The following ERBB4 variants were observed in gnomAD, a reference collection of about 807,000 sequenced individuals.
ERBB4 encodes the protein erb-b2 receptor tyrosine kinase 4, also known as receptor tyrosine-protein kinase erbB-4.
ERBB4 carries 42 observed loss-of-function variants against 158.0 expected under a neutral mutation model. The observed-to-expected ratio is 0.27, with a 90% CI of 0.21 to 0.34. The LOEUF is 0.34. Among genes scored for constraint, ERBB4 ranks in the 10% least tolerant of loss-of-function variants. ERBB4 has a pLI of 1.00. For missense variants in ERBB4, 1,333 were observed against 1,624.1 expected, an observed-to-expected ratio of 0.82 and a Z score of 3.08; for synonymous variants, 583 against 558.7, an observed-to-expected ratio of 1.04 and a Z score of -0.61.
rs374494378 is a variant in ERBB4 at position 211,889,028 on chromosome 2, G to A, written c.421+58402C>T. Among the ~76,000 whole-genome samples the A allele has an allele frequency of 4.9e-5, 7 of 144,112 alleles. 1 individual carries two copies. Among genetic ancestry groups the A allele is most frequent in the Admixed American group, 4.0e-4 (6 of 14,902 alleles). The allele number at this position is 144,112 out of a possible 152,430, so 94.5% of individuals were successfully genotyped here. ...GGTAAACAAAGCAGCCAGGAAGCTC[G>A]AACTGGGTAGAGCCCACCACAGCTC... On this transcript the variant is annotated intron_variant, in intron 3 of 27. Coordinates refer to ENST00000342788, the MANE Select transcript of ERBB4 (RefSeq NM_005235.3).
rs144168097 is a variant in ERBB4, at chr2:212,227,476, C to T, written c.83-102573G>A. ...TTCCTGAACAAAGCTTTGCTAAATACATGTCCACCTCAGTATTTCTTTCAG... is the reference window on the plus strand; with the variant it reads ...TTCCTGAACAAAGCTTTGCTAAATATATGTCCACCTCAGTATTTCTTTCAG... On this transcript the variant is annotated intron_variant, in intron 1 of 27. Transcript: ENST00000342788. Among the ~76,000 whole-genome samples, 9 of 152,188 alleles carry T rather than the reference C, an allele frequency of 5.9e-5. 1 individual carries two copies. In the South Asian group the frequency reaches 1.0e-3, roughly 18 times the overall value.
chr2:212,398,659 CT>C (rs1335806142), intron 1 of ERBB4, among the ~76,000 whole-genome samples: 28 of 152,100 alleles, frequency 1.8e-4, no homozygotes, highest in African/African-American at 6.5e-4. Flanking sequence ...GTTTTTGTTA[CT>C]AAAACAATTG....
intron 1 of ERBB4, among the ~76,000 whole-genome samples, chr2:212,188,739 T>C (rs2082102841): frequency 6.6e-6 from 1 of 151,924 alleles, no homozygotes; most frequent in South Asian, 2.1e-4. Context: ...TAAATACTAT[T>C]TATTATTTTA....
intron 25 of ERBB4, among the ~76,000 whole-genome samples, chr2:211,405,940 A>G (rs1448425387): frequency 6.6e-6 from 1 of 151,880 alleles, no homozygotes; most frequent in Non-Finnish European, 1.5e-5. Flanking sequence ...TCTCCTTCCC[A>G]CTCTGCAACA....
intron 1 of ERBB4, among the ~76,000 whole-genome samples, chr2:212,416,224 C>G (rs2091649261): frequency 6.6e-6 from 1 of 152,156 alleles, no homozygotes; most frequent in Non-Finnish European, 1.5e-5. Flanking sequence ...ACCTATTTAT[C>G]TGCCATATCC....
chr2:212,305,903 A>G (rs996913049), intron 1 of ERBB4, among the ~76,000 whole-genome samples: 1 of 151,422 alleles, frequency 6.6e-6, no homozygotes, highest in East Asian at 2.0e-4. Flanking sequence ...CTGAGAAAAT[A>G]TGATTGTAAA....
chr2:212,063,937 T>A (rs2077860923), intron 2 of ERBB4, among the ~76,000 whole-genome samples: 1 of 152,152 alleles, frequency 6.6e-6, no homozygotes, highest in Non-Finnish European at 1.5e-5. Flanking sequence ...ACTTTAAAGA[T>A]CATTCTGGTC....
chr2:212,303,718 G>A (rs1459468347), intron 1 of ERBB4, among the ~76,000 whole-genome samples: 3 of 151,488 alleles, frequency 2.0e-5, no homozygotes, highest in Non-Finnish European at 4.4e-5. Flanking sequence ...TCAGAATTGA[G>A]TAGTTTTAAA....
chr2:211,794,005 G>C (rs898335672), intron 3 of ERBB4, among the ~76,000 whole-genome samples: 1 of 151,862 alleles, frequency 6.6e-6, no homozygotes, highest in African/African-American at 2.4e-5. Context: ...CTATATTTCA[G>C]CTCGATGATC....
chr2:212,041,400 C>G (rs1266036104), intron 2 of ERBB4, among the ~76,000 whole-genome samples: 1 of 151,964 alleles, frequency 6.6e-6, no homozygotes, highest in Non-Finnish European at 1.5e-5. Context: ...TACTAATCCT[C>G]TATCAGAAGG....
At position 211,445,608 on chromosome 2, in the gene ERBB4, G is replaced by A. The variant is rs759788554; in HGVS notation, c.2488-14508C>T. Among the ~76,000 whole-genome samples the A allele has an allele frequency of 5.3e-5, 8 of 152,042 alleles. No homozygotes were observed. In the South Asian group the frequency reaches 6.2e-4, roughly 12 times the overall value. On this transcript the variant is annotated intron_variant, in intron 20 of 27. Coordinates refer to ENST00000342788, the MANE Select transcript of ERBB4 (RefSeq NM_005235.3). ...CGACAGTATCAAATACAATAGGGACGTACAAAAAGATAACAGAAGGGGGAC... is the reference window on the plus strand; with the variant it reads ...CGACAGTATCAAATACAATAGGGACATACAAAAAGATAACAGAAGGGGGAC...
intron 1 of ERBB4, among the ~76,000 whole-genome samples, chr2:212,381,204 C>G (rs1337549019): frequency 6.6e-6 from 1 of 151,076 alleles, no homozygotes; most frequent in Non-Finnish European, 1.5e-5. Flanking sequence ...TGCAAAATTA[C>G]CAAACCAAAA....
intron 1 of ERBB4, among the ~76,000 whole-genome samples, chr2:212,174,975 G>T (rs972302534): frequency 6.6e-6 from 1 of 151,970 alleles, no homozygotes; most frequent in Non-Finnish European, 1.5e-5. Flanking sequence ...AACTGGTCTG[G>T]TCTAACATTT....
At chr2:212,127,559 T>A (rs1391576450) in intron 1 of ERBB4, among the ~76,000 whole-genome samples, 2 of 152,118 alleles carry the variant, frequency 1.3e-5, no homozygotes, top group East Asian at 3.9e-4. Flanking sequence ...GCCACTGCAC[T>A]CCAGCCTGGG....
chr2:211,861,095 AATACAT>A (rs1559585747), intron 3 of ERBB4, among the ~76,000 whole-genome samples: 1 of 35,076 alleles, frequency 2.9e-5, no homozygotes, highest in African/African-American at 1.2e-4. Context: ...AAAATATATA[AATACAT>A]TATATATATT....
chr2:211,742,817 A>C (rs1479454845), intron 5 of ERBB4, among the ~76,000 whole-genome samples: 2 of 151,984 alleles, frequency 1.3e-5, no homozygotes, highest in Non-Finnish European at 2.9e-5. Flanking sequence ...CATATTAACA[A>C]TTATCTACAA....
rs552085045 is a variant in ERBB4 at position 212,282,986 on chromosome 2, T to C, written c.83-158083A>G. Among the ~76,000 whole-genome samples, 8 of 152,018 alleles carry C rather than the reference T, an allele frequency of 5.3e-5. 1 individual carries two copies. Among genetic ancestry groups the C allele is most frequent in the African/African-American group, 1.7e-4 (7 of 41,530 alleles). On this transcript the variant is annotated intron_variant, in intron 1 of 27. Coordinates refer to ENST00000342788, the MANE Select transcript of ERBB4 (RefSeq NM_005235.3). ...CCTATATTTTTGGGTCAGAGACAGA[T>C]TGGAACTCCACCAAGAGAAACTGGG...
At chr2:212,477,990 A>T (rs1399468089) in intron 1 of ERBB4, among the ~76,000 whole-genome samples, 1 of 152,094 alleles carries the variant, frequency 6.6e-6, no homozygotes, top group East Asian at 1.9e-4. Flanking sequence ...GGGCTGTGTC[A>T]TTCATTTTGT....
chr2:212,214,017 T>C (rs999953354), intron 1 of ERBB4, among the ~76,000 whole-genome samples: 2 of 151,894 alleles, frequency 1.3e-5, no homozygotes, highest in African/African-American at 2.4e-5. Flanking sequence ...AGGACTACAG[T>C]TGAGGTATTC....
Sources: allele counts gnomAD v4.1 joint callset (sites outside exome capture counted in the v4.1 genomes callset), GRCh38; gene constraint gnomAD v4.1.1; transcripts MANE v1.5; gene names NCBI Gene and HGNC (gene_info 2026-07-23, HGNC 2026-07-21).